The following AFG1L variants were observed in gnomAD, a reference collection of about 807,000 sequenced individuals.
The protein encoded by AFG1L is AFG1 like ATPase, also known as AFG1-like ATPase.
AFG1L carries 53 observed loss-of-function variants against 62.2 expected under a neutral mutation model. The ratio of observed to expected loss-of-function variants is 0.85; its 90% CI spans 0.68 to 1.07. AFG1L has a LOEUF of 1.07. AFG1L is among the 50% of genes least tolerant of loss of function. AFG1L has a pLI of 0.00. For missense variants in AFG1L, 555 were observed against 590.5 expected (o/e 0.94, Z 0.62); for synonymous variants, 228 against 210.3 (o/e 1.08, Z -0.73).
At position 108,523,685 on chromosome 6, in the gene AFG1L, G is replaced by T. The variant is rs1005876973; in HGVS notation, c.*1260G>T. Reference sequence around the variant, plus strand: ...CCACTCTAGCCATCTCCTGGCAGGGGTAGTGTGGCACAGCATGGCCCTATT... The same window carrying T: ...CCACTCTAGCCATCTCCTGGCAGGGTTAGTGTGGCACAGCATGGCCCTATT... On this transcript the variant is annotated 3_prime_UTR_variant, in exon 13 of 13. Coordinates refer to ENST00000368977, the MANE Select transcript of AFG1L (RefSeq NM_145315.5). The T allele has an allele frequency of 1.3e-5, 2 of 151,890 alleles. No homozygotes were observed. The highest frequency in any genetic ancestry group is 2.9e-5 in the Non-Finnish European group (2 of 67,994). 9.4% of individuals were successfully genotyped at this position (151,890 alleles called of 1,614,324 possible).
intron 6 of AFG1L, among the ~76,000 whole-genome samples, chr6:108,396,269 C>A (rs919274683): frequency 6.6e-6 from 1 of 151,718 alleles, no homozygotes; most frequent in African/African-American, 2.4e-5. Context: ...AAAACTTGTC[C>A]CTTTTCATTT....
chr6:108,346,680 C>T (rs1272911993), intron 2 of AFG1L, among the ~76,000 whole-genome samples: 3 of 152,148 alleles, frequency 2.0e-5, no homozygotes, highest in African/African-American at 7.2e-5. Context: ...TACTTTCTGT[C>T]TCTTTAATTG....
intron 11 of AFG1L, among the ~76,000 whole-genome samples, chr6:108,516,454 C>G (rs1482084161): frequency 7.9e-5 from 12 of 152,150 alleles, no homozygotes; most frequent in Admixed American, 6.5e-4. Flanking sequence ...TTCAACAGCC[C>G]TTCATGCTAA....
At chr6:108,432,713 G>A (rs1454503352) in intron 7 of AFG1L, among the ~76,000 whole-genome samples, 1 of 152,174 alleles carries the variant, frequency 6.6e-6, no homozygotes, top group Non-Finnish European at 1.5e-5. Flanking sequence ...ATTAGGCTAA[G>A]CCAGTGGTTC....
chr6:108,409,178 T>C (rs1781994301), intron 7 of AFG1L, among the ~76,000 whole-genome samples: 1 of 152,354 alleles, frequency 6.6e-6, no homozygotes, highest in East Asian at 1.9e-4. Flanking sequence ...GTTAATAGAA[T>C]ATATTTCTGG....
rs1775178278 is a variant in AFG1L at position 108,522,899 on chromosome 6, T to C, written c.*474T>C. 6.6e-6 allele frequency: 1 copy of C among 150,992 alleles called. No homozygotes were observed. Among genetic ancestry groups the C allele is most frequent in the East Asian group, 1.9e-4 (1 of 5,184 alleles). The allele number at this position is 150,992 out of a possible 1,614,324, so 9.4% of individuals were successfully genotyped here. On this transcript the variant is annotated 3_prime_UTR_variant, in exon 13 of 13. Transcript: ENST00000368977. ...CTAAAAGGGATAATATTTTAGAATATGGGCTTATATGTGGTTTTTTTTTTT... is the reference window on the plus strand; with the variant it reads ...CTAAAAGGGATAATATTTTAGAATACGGGCTTATATGTGGTTTTTTTTTTT...
At chr6:108,369,919 TCTGG>T (rs138862500) in intron 6 of AFG1L, among the ~76,000 whole-genome samples, 3,377 of 145,368 alleles carry the variant, frequency 0.023, 70 homozygotes, top group Middle Eastern at 0.042. Flanking sequence ...CCCAGATTGA[TCTGG>T]CTGGCTGGCT....
intron 1 of AFG1L, among the ~76,000 whole-genome samples, chr6:108,322,664 T>A (rs924641686): frequency 3.3e-5 from 5 of 152,214 alleles, no homozygotes; most frequent in Non-Finnish European, 7.3e-5. Flanking sequence ...GGGGAAAACA[T>A]GGACCTAACA....
At chr6:108,511,847 T>C (rs895862002) in intron 11 of AFG1L, among the ~76,000 whole-genome samples, 5 of 152,210 alleles carry the variant, frequency 3.3e-5, no homozygotes, top group Non-Finnish European at 7.3e-5. Flanking sequence ...AGAAATTCAG[T>C]GGCAAGTGAA....
intron 6 of AFG1L, among the ~76,000 whole-genome samples, chr6:108,380,656 A>C (rs558685931): frequency 6.6e-6 from 1 of 152,214 alleles, no homozygotes; most frequent in African/African-American, 2.4e-5. Flanking sequence ...GCCATGCTGC[A>C]GGTCACCAAA....
chr6:108,320,308 C>G (rs1177596459), intron 1 of AFG1L, among the ~76,000 whole-genome samples: 2 of 152,044 alleles, frequency 1.3e-5, no homozygotes, highest in Admixed American at 1.3e-4. Context: ...CCGGTCAAAG[C>G]TGGATTAAAA....
At chr6:108,362,479 A>G (rs149875204) in intron 5 of AFG1L, among the ~76,000 whole-genome samples, 1 of 152,340 alleles carries the variant, frequency 6.6e-6, no homozygotes, top group Admixed American at 6.5e-5. Flanking sequence ...AGCTACAGCT[A>G]AAATTCTATG....
At chr6:108,355,343 T>A (rs1779231936) in intron 3 of AFG1L, among the ~76,000 whole-genome samples, 2 of 152,212 alleles carry the variant, frequency 1.3e-5, no homozygotes, top group Non-Finnish European at 2.9e-5. Context: ...TTTATGCTAG[T>A]GTCTTTTGGA....
At chr6:108,345,502 G>A (rs1190530623) in intron 2 of AFG1L, among the ~76,000 whole-genome samples, 1 of 151,718 alleles carries the variant, frequency 6.6e-6, no homozygotes. Context: ...TGGGACTGCG[G>A]GAGTACATCA....
rs535228551 is a variant in AFG1L, at chr6:108,476,916, G to A, written c.942G>A (p.Leu314=). The change falls in exon 9 of 13, where the codon CTG becomes CTA. Residue 314 remains leucine (L), a synonymous_variant. Coordinates refer to ENST00000368977, the MANE Select transcript of AFG1L (RefSeq NM_145315.5). ...TCATGGATAAGTTGTTTGATGAGCTGGCTCAGAAACAAAATGATTGTACGT... is the reference window on the plus strand; with the variant it reads ...TCATGGATAAGTTGTTTGATGAGCTAGCTCAGAAACAAAATGATTGTACGT... ...EAVMDKLFDE[L]AQKQNDLTRP... The A allele has an allele frequency of 3.1e-6, 5 of 1,613,764 alleles. No homozygotes were observed. In the African/African-American group the frequency reaches 6.7e-5, roughly 22 times the overall value.
chr6:108,447,180 G>A (rs761332557), intron 7 of AFG1L, 34 bp from the exon 8 acceptor site: 3 of 1,140,928 alleles, frequency 2.6e-6, no homozygotes, highest in Admixed American at 1.8e-5. Flanking sequence ...GCCACTACTT[G>A]TTTAAAAAGG....
intron 5 of AFG1L, among the ~76,000 whole-genome samples, chr6:108,362,889 A>C (rs551251883): frequency 1.4e-4 from 22 of 152,348 alleles, no homozygotes; most frequent in Non-Finnish European, 2.6e-4. Context: ...AGCCTAGTAC[A>C]ATACTTGCTG....
chr6:108,344,922 A>G (rs1218590590), intron 2 of AFG1L: 5 of 398,662 alleles, frequency 1.3e-5, no homozygotes, highest in African/African-American at 1.1e-4. Flanking sequence ...TTTGCTCTGG[A>G]CCTGACTGCT....
chr6:108,376,658 A>C (rs1198597916), intron 6 of AFG1L, among the ~76,000 whole-genome samples: 1 of 152,066 alleles, frequency 6.6e-6, no homozygotes, highest in African/African-American at 2.4e-5. Context: ...TTTTTAAAAA[A>C]TTTATCAAGA....
Sources: allele counts gnomAD v4.1 joint callset (sites outside exome capture counted in the v4.1 genomes callset), GRCh38; gene constraint gnomAD v4.1.1; transcripts MANE v1.5; gene names NCBI Gene and HGNC (gene_info 2026-07-23, HGNC 2026-07-21).